Variants in KCNH8 observed in about 807,000 individuals in gnomAD.
The protein encoded by KCNH8 is potassium voltage-gated channel subfamily H member 8.
In KCNH8, 70 loss-of-function variants were observed where a neutral mutation model predicts 103.6. The observed-to-expected ratio is 0.68, with a 90% CI of 0.56 to 0.82. The LOEUF (loss-of-function observed/expected upper bound fraction) is 0.82, where lower values mean the gene tolerates loss of function less well. Among genes scored for constraint, KCNH8 ranks in the 40% least tolerant of loss-of-function variants. The pLI, the probability that KCNH8 is intolerant of heterozygous loss-of-function variation, is 0.00. For synonymous variants in KCNH8, 498 were observed against 489.4 expected, an observed-to-expected ratio of 1.02 and a Z score of -0.23; for missense variants, 1,217 against 1,329.9, an observed-to-expected ratio of 0.92 and a Z score of 1.32.
At position 19,342,799 on chromosome 3, in the gene KCNH8, C is replaced by T. The variant is rs553056384; in HGVS notation, c.570+85C>T. On this transcript the variant is annotated intron_variant, in intron 4 of 15. Transcript: ENST00000328405. Reference sequence around the variant, plus strand: ...TCGCTAAAGAAAGGCCTCAATTACCCATTTATTGGCTTGCCTAGATTTTTT... The same window carrying T: ...TCGCTAAAGAAAGGCCTCAATTACCTATTTATTGGCTTGCCTAGATTTTTT... The T allele has an allele frequency of 7.6e-6, 10 of 1,307,240 alleles. No individual in the cohort carries two copies. In the South Asian group the frequency reaches 1.2e-4, roughly 16 times the overall value. 81.0% of individuals were successfully genotyped at this position (1,307,240 alleles called of 1,614,324 possible). A position where few individuals can be genotyped will look rare whatever the true frequency, so the allele number is the denominator to read the frequency against.
intron 1 of KCNH8, among the ~76,000 whole-genome samples, chr3:19,172,550 A>G (rs906304595): frequency 2.0e-5 from 3 of 152,176 alleles, no homozygotes; most frequent in African/African-American, 7.2e-5. Flanking sequence ...CACTGTTGTC[A>G]TCTTTGTCAT....
chr3:19,230,581 T>C (rs1429390604), intron 1 of KCNH8, among the ~76,000 whole-genome samples: 3 of 152,232 alleles, frequency 2.0e-5, no homozygotes, highest in Admixed American at 6.5e-5. Context: ...GCATACTGTG[T>C]CATCGGTTGC....
intron 2 of KCNH8, among the ~76,000 whole-genome samples, chr3:19,268,774 T>C (rs550615582): frequency 1.3e-4 from 20 of 152,088 alleles, no homozygotes; most frequent in African/African-American, 4.8e-4. Flanking sequence ...GCACTCAGTG[T>C]TTTCACAAGC....
At chr3:19,236,210 GTCTC>G (rs2064062792) in intron 1 of KCNH8, among the ~76,000 whole-genome samples, 1 of 152,196 alleles carries the variant, frequency 6.6e-6, no homozygotes, top group South Asian at 2.1e-4. Context: ...GAAGTTGTTA[GTCTC>G]TCTTTGAATC....
intron 8 of KCNH8, among the ~76,000 whole-genome samples, chr3:19,445,123 G>T (rs1025521905): frequency 1.3e-5 from 2 of 151,902 alleles, no homozygotes; most frequent in African/African-American, 4.8e-5. Flanking sequence ...CTATTCAAGA[G>T]AACATTATAC....
intron 5 of KCNH8, among the ~76,000 whole-genome samples, chr3:19,373,186 G>A (rs549754971): frequency 3.3e-5 from 5 of 152,038 alleles, no homozygotes; most frequent in African/African-American, 7.3e-5. Flanking sequence ...AGAAGGAATG[G>A]TACCAGCTCC....
chr3:19,514,796 T>C (rs1239585650), intron 13 of KCNH8, among the ~76,000 whole-genome samples: 1 of 151,852 alleles, frequency 6.6e-6, no homozygotes, highest in Non-Finnish European at 1.5e-5. Context: ...AGAGTAGTGA[T>C]TTAACATGAA....
intron 5 of KCNH8, among the ~76,000 whole-genome samples, chr3:19,366,331 T>G (rs1306985180): frequency 1.3e-5 from 2 of 152,060 alleles, no homozygotes; most frequent in East Asian, 3.9e-4. Flanking sequence ...TATTTCACAG[T>G]GTACCTGAAT....
At chr3:19,380,565 G>T (rs933596110) in intron 5 of KCNH8, among the ~76,000 whole-genome samples, 8 of 152,128 alleles carry the variant, frequency 5.3e-5, no homozygotes, top group Admixed American at 4.6e-4. Flanking sequence ...GAAATTCTTG[G>T]CTCTTAAATA....
chr3:19,353,642 A>G (rs1010809464), intron 5 of KCNH8, among the ~76,000 whole-genome samples: 12 of 152,216 alleles, frequency 7.9e-5, no homozygotes, highest in Admixed American at 2.0e-4. Flanking sequence ...CCACATGATT[A>G]TCTCAATAGA....
intron 7 of KCNH8, among the ~76,000 whole-genome samples, chr3:19,402,243 T>TA (rs2066624372): frequency 6.6e-6 from 1 of 151,996 alleles, no homozygotes; most frequent in Admixed American, 6.6e-5. Flanking sequence ...AATACTCTAT[T>TA]AACATCCTAT....
At chr3:19,282,534 A>T (rs1420391766) in intron 3 of KCNH8, among the ~76,000 whole-genome samples, 3 of 152,224 alleles carry the variant, frequency 2.0e-5, no homozygotes, top group African/African-American at 7.2e-5. Context: ...ATTCACAAAT[A>T]TGTGTGGATA....
At chr3:19,511,020 G>A (rs2068774418) in intron 12 of KCNH8, among the ~76,000 whole-genome samples, 1 of 152,158 alleles carries the variant, frequency 6.6e-6, no homozygotes, top group Non-Finnish European at 1.5e-5. Flanking sequence ...TATACTTTAA[G>A]TTCTGGGTTA....
At chr3:19,354,233 A>G (rs1029796733) in intron 5 of KCNH8, among the ~76,000 whole-genome samples, 1 of 152,198 alleles carries the variant, frequency 6.6e-6, no homozygotes, top group Non-Finnish European at 1.5e-5. Context: ...GTAAAAGAGG[A>G]CACAAACAAA....
intron 7 of KCNH8, among the ~76,000 whole-genome samples, chr3:19,405,368 A>G (rs1036257219): frequency 4.6e-5 from 7 of 151,868 alleles, no homozygotes; most frequent in African/African-American, 1.7e-4. Flanking sequence ...AATAATATGT[A>G]TCTAATAATG....
At chr3:19,249,122 A>G (rs537947668) in intron 1 of KCNH8, among the ~76,000 whole-genome samples, 1 of 152,370 alleles carries the variant, frequency 6.6e-6, no homozygotes, top group East Asian at 1.9e-4. Context: ...TTGATTTCTT[A>G]AAAGGTTAAA....
At position 19,375,008 on chromosome 3, in the gene KCNH8, A is replaced by G. The variant is rs562020505; in HGVS notation, c.812-15473A>G. Among the ~76,000 whole-genome samples, 1,188 of 151,836 alleles carry G rather than the reference A, an allele frequency of 7.8e-3. 6 individuals carry two copies. Among genetic ancestry groups the G allele is most frequent in the Non-Finnish European group, 0.014 (945 of 67,918 alleles). On this transcript the variant is annotated intron_variant, in intron 5 of 15. Coordinates refer to ENST00000328405, the MANE Select transcript of KCNH8 (RefSeq NM_144633.3). ...TCTGATGGGCTTCCCTTTGAGGGTA[A>G]CCTGACCTTTCTCTCTGGCTGCCCT... is the stretch of plus-strand genomic sequence containing the variant.
chr3:19,512,040 A>G (rs2068791990), intron 12 of KCNH8, among the ~76,000 whole-genome samples: 1 of 152,210 alleles, frequency 6.6e-6, no homozygotes, highest in African/African-American at 2.4e-5. Flanking sequence ...TCTTTGCCTT[A>G]TTTTTATTAT....
At chr3:19,508,987 G>T (rs566478151) in intron 11 of KCNH8, among the ~76,000 whole-genome samples, 1 of 152,280 alleles carries the variant, frequency 6.6e-6, no homozygotes, top group African/African-American at 2.4e-5. Flanking sequence ...ATGTTCTTCT[G>T]TAATCCAAGC....
Sources: allele counts gnomAD v4.1 joint callset (sites outside exome capture counted in the v4.1 genomes callset), GRCh38; gene constraint gnomAD v4.1.1; transcripts MANE v1.5; gene names NCBI Gene and HGNC (gene_info 2026-07-23, HGNC 2026-07-21).